The following NRXN1 variants were observed in gnomAD, a reference collection of about 807,000 sequenced individuals.
NRXN1 encodes neurexin 1.
A neutral mutation model predicts 150.9 loss-of-function variants in NRXN1; 39 were observed. That is an observed-to-expected ratio of 0.26 (90% CI 0.20 to 0.34). NRXN1 has a LOEUF of 0.34. NRXN1 is among the 10% of genes least tolerant of loss of function. The pLI, the probability that NRXN1 is intolerant of heterozygous loss-of-function variation, is 1.00. For synonymous variants in NRXN1, 924 were observed against 757.0 expected, an observed-to-expected ratio of 1.22 and a Z score of -3.62; for missense variants, 1,815 against 1,949.9, an observed-to-expected ratio of 0.93 and a Z score of 1.30.
At chr2:50,068,636 C>G (rs1022546582) in intron 19 of NRXN1, among the ~76,000 whole-genome samples, 2 of 152,170 alleles carry the variant, frequency 1.3e-5, no homozygotes, top group African/African-American at 4.8e-5. Flanking sequence ...ATATGCCAAT[C>G]TCTTAGCACA....
intron 5 of NRXN1, among the ~76,000 whole-genome samples, chr2:50,829,834 T>C: frequency 6.6e-6 from 1 of 151,988 alleles, no homozygotes; most frequent in Admixed American, 6.6e-5. Context: ...TAACTTCTCT[T>C]TCACAGATTA....
intron 5 of NRXN1, among the ~76,000 whole-genome samples, chr2:50,914,722 A>G (rs534745385): frequency 1.3e-5 from 2 of 151,838 alleles, no homozygotes; most frequent in African/African-American, 2.4e-5. Context: ...TATTCTTCAT[A>G]GAAAGATTTA....
intron 17 of NRXN1, among the ~76,000 whole-genome samples, chr2:50,405,738 G>A (rs367650146): frequency 7.9e-5 from 12 of 152,054 alleles, no homozygotes; most frequent in African/African-American, 2.4e-4. Flanking sequence ...ACTCACTCAC[G>A]TGACTCAAAC....
intron 5 of NRXN1, among the ~76,000 whole-genome samples, chr2:50,867,692 G>T (rs913080297): frequency 2.6e-4 from 40 of 151,612 alleles, no homozygotes; most frequent in African/African-American, 8.2e-4. Context: ...AATTTTACAA[G>T]TCTAATGTCT....
intron 17 of NRXN1, among the ~76,000 whole-genome samples, chr2:50,360,525 C>T (rs377023036): frequency 2.0e-4 from 30 of 152,248 alleles, no homozygotes; most frequent in East Asian, 1.4e-3. Flanking sequence ...AGGGGCATTA[C>T]GTAATGGTAA....
chr2:50,243,854 TA>T (rs1175718835), intron 17 of NRXN1, among the ~76,000 whole-genome samples: 1 of 151,294 alleles, frequency 6.6e-6, no homozygotes. Context: ...AGATACCATT[TA>T]AAAAAAAATT....
At chr2:50,590,870 C>A (rs1460648202) in intron 8 of NRXN1, among the ~76,000 whole-genome samples, 3 of 152,044 alleles carry the variant, frequency 2.0e-5, no homozygotes, top group African/African-American at 7.2e-5. Flanking sequence ...TTATAGCAGT[C>A]AGAATGGACT....
intron 18 of NRXN1, chr2:50,207,729 G>A (rs758468215): frequency 1.8e-5 from 3 of 167,904 alleles, no homozygotes; most frequent in Admixed American, 6.6e-5. Flanking sequence ...AAATATGATC[G>A]GCTTTAGTTC....
At chr2:50,332,336 A>C (rs879673872) in intron 17 of NRXN1, among the ~76,000 whole-genome samples, 6 of 152,206 alleles carry the variant, frequency 3.9e-5, no homozygotes, top group Non-Finnish European at 5.9e-5. Flanking sequence ...ACTTTTGCAC[A>C]CTGAGATATA....
At chr2:50,860,149 TCAAC>T (rs1554157200) in intron 5 of NRXN1, among the ~76,000 whole-genome samples, 1 of 150,144 alleles carries the variant, frequency 6.7e-6, no homozygotes, top group Non-Finnish European at 1.5e-5. Flanking sequence ...TCTCAATCAA[TCAAC>T]AATTATTTGG....
intron 9 of NRXN1, among the ~76,000 whole-genome samples, chr2:50,542,176 G>C (rs34751154): frequency 0.28 from 42,997 of 152,044 alleles, 6,492 homozygotes; most frequent in East Asian, 0.52. Flanking sequence ...AGCTACTCGG[G>C]AGGCTGAGGC....
chr2:50,575,192 C>A (rs1431352626), intron 8 of NRXN1, among the ~76,000 whole-genome samples: 1 of 152,148 alleles, frequency 6.6e-6, no homozygotes, highest in Non-Finnish European at 1.5e-5. Flanking sequence ...GTATTCAGTG[C>A]CTTTTCCCCC....
intron 5 of NRXN1, among the ~76,000 whole-genome samples, chr2:50,791,886 T>G (rs1029677569): frequency 2.0e-5 from 3 of 152,062 alleles, no homozygotes; most frequent in African/African-American, 7.2e-5. Context: ...ACTTAGAGCC[T>G]GAAGTAAACC....
rs71404969 is a variant in NRXN1, at chr2:50,610,642, C to CATATATATATATATATATATAT, written c.1320+9358_1320+9379dup. Among the ~76,000 whole-genome samples, 230 of 42,832 alleles carry CATATATATATATATATATATAT rather than the reference C, an allele frequency of 5.4e-3. 11 individuals are homozygous for CATATATATATATATATATATAT. Among genetic ancestry groups the CATATATATATATATATATATAT allele is most frequent in the Admixed American group, 6.4e-3 (17 of 2,660 alleles). The allele number at this position is 42,832 out of a possible 152,430, so 28.1% of individuals were successfully genotyped here. On this transcript the variant is annotated intron_variant, in intron 8 of 22. Coordinates refer to ENST00000401669, the MANE Select transcript of NRXN1 (RefSeq NM_001330078.2). Reference sequence around the variant, plus strand: ...GCCTGGCACATACTATAAATAGATACATATATATATATATATATATATATA... The same window carrying CATATATATATATATATATATAT: ...GCCTGGCACATACTATAAATAGATACATATATATATATATATATATATATATATATATATATATATATATATA...
chr2:50,749,528 T>C (rs1252596912), intron 5 of NRXN1, among the ~76,000 whole-genome samples: 2 of 151,958 alleles, frequency 1.3e-5, no homozygotes, highest in Admixed American at 6.6e-5. Flanking sequence ...GAGGAGAAAA[T>C]AGAGGCTCAG....
chr2:50,153,176 T>C (rs977470342), intron 18 of NRXN1, among the ~76,000 whole-genome samples: 42 of 151,828 alleles, frequency 2.8e-4, no homozygotes, highest in African/African-American at 9.9e-4. Context: ...CTCTAGAACT[T>C]GTTTGCAATT....
intron 5 of NRXN1, among the ~76,000 whole-genome samples, chr2:50,797,152 T>C (rs1706947671): frequency 6.6e-6 from 1 of 152,210 alleles, no homozygotes; most frequent in South Asian, 2.1e-4. Flanking sequence ...TTTGGAACAA[T>C]ATTCAGATCA....
intron 18 of NRXN1, among the ~76,000 whole-genome samples, chr2:50,169,200 G>A (rs1415895528): frequency 1.3e-5 from 2 of 152,114 alleles, no homozygotes; most frequent in Non-Finnish European, 2.9e-5. Context: ...ATCACTTGCT[G>A]AAAGCCGTAC....
At chr2:50,941,627 A>G (rs1689460618) in intron 2 of NRXN1, among the ~76,000 whole-genome samples, 1 of 152,212 alleles carries the variant, frequency 6.6e-6, no homozygotes, top group Admixed American at 6.5e-5. Flanking sequence ...TTTAAAAGAG[A>G]TGACTTAACA....
Sources: gnomAD v4.1 joint callset for allele counts (sites outside exome capture counted in the v4.1 genomes callset) on GRCh38, gnomAD v4.1.1 for gene constraint, MANE v1.5 for transcripts, NCBI Gene and HGNC (gene_info 2026-07-23, HGNC 2026-07-21) for gene names.